Variants in CEP128 observed in about 807,000 individuals in gnomAD.
The protein encoded by CEP128 is centrosomal protein 128.
A neutral mutation model predicts 156.7 loss-of-function variants in CEP128; 132 were observed. The ratio of observed to expected loss-of-function variants is 0.84; its 90% CI spans 0.73 to 0.97. The LOEUF is 0.97. Ranked by LOEUF, CEP128 falls within the 50% of genes least tolerant of loss-of-function variation. The pLI, the probability that CEP128 is intolerant of heterozygous loss-of-function variation, is 0.00. For synonymous variants in CEP128, 469 were observed against 448.9 expected, an observed-to-expected ratio of 1.04 and a Z score of -0.57; for missense variants, 1,252 against 1,281.9, an observed-to-expected ratio of 0.98 and a Z score of 0.36.
chr14:80,916,367 A>G (rs1884554688), intron 3 of CEP128, 34 bp downstream of exon 3: 3 of 1,566,716 alleles, frequency 1.9e-6, no homozygotes, highest in East Asian at 4.5e-5. Context: ...CAAACTATTT[A>G]AATTCTATTA....
chr14:80,584,159 TTTTTG>T lies in CEP128; in HGVS notation c.2807-3741_2807-3737del, dbSNP rs1469231669. The stretch of plus-strand genomic sequence containing the variant: ...CCGTGACATTTTTTTTTTTTTTTTT[TTTTTG>T]TTTGACAGCGTCTCATCCGATGCCC... On this transcript the variant is annotated intron_variant, in intron 19 of 24. Transcript: ENST00000555265. Among the ~76,000 whole-genome samples, 271 of 115,214 alleles carry T rather than the reference TTTTTG, an allele frequency of 2.4e-3. 2 individuals carry two copies. Among genetic ancestry groups the T allele is most frequent in the African/African-American group, 6.8e-3 (176 of 25,826 alleles). The allele number at this position is 115,214 out of a possible 152,430, so 75.6% of individuals were successfully genotyped here. A position where few individuals can be genotyped will look rare whatever the true frequency, so the allele number is the denominator to read the frequency against.
At chr14:80,603,003 T>C (rs1049460537) in intron 19 of CEP128, among the ~76,000 whole-genome samples, 10 of 152,194 alleles carry the variant, frequency 6.6e-5, no homozygotes, top group African/African-American at 2.4e-4. Flanking sequence ...CATACTAAAA[T>C]GTATGGGATA....
intron 19 of CEP128, among the ~76,000 whole-genome samples, chr14:80,690,762 C>T (rs985294313): frequency 2.6e-5 from 4 of 152,144 alleles, no homozygotes; most frequent in African/African-American, 9.7e-5. Context: ...TGAATGACAT[C>T]TCTTCAGCAA....
Position 80,880,457 on chromosome 14 carries a change from T to A in CEP128, c.645+15261A>T, listed in dbSNP as rs375505905. Among the ~76,000 whole-genome samples, 74 of 151,946 alleles carry A rather than the reference T, an allele frequency of 4.9e-4. 1 individual carries two copies. In the South Asian group the frequency reaches 0.015, roughly 31 times the overall value. On this transcript the variant is annotated intron_variant, in intron 8 of 24. Coordinates refer to ENST00000555265, the MANE Select transcript of CEP128 (RefSeq NM_152446.5). ...CCCCTCCTTCTATTCAACATACTAC[T>A]AAAAGTAACAGCAAGAACAATCAGA...
chr14:80,916,685 T>A, intron 2 of CEP128, 123 bp from the exon 3 acceptor site: 1 of 702,252 alleles, frequency 1.4e-6, no homozygotes, highest in Non-Finnish European at 2.3e-6. Flanking sequence ...TTGCACACTG[T>A]AATTTCTACA....
chr14:80,479,307 A>G (rs947410969), intron 14 of CEP128, among the ~76,000 whole-genome samples: 4 of 152,180 alleles, frequency 2.6e-5, no homozygotes, highest in Admixed American at 2.0e-4. Context: ...AAAACATTGA[A>G]AAACAAGGGT....
chr14:80,792,104 A>C (rs1901738140), intron 14 of CEP128, among the ~76,000 whole-genome samples: 1 of 152,244 alleles, frequency 6.6e-6, no homozygotes, highest in Non-Finnish European at 1.5e-5. Flanking sequence ...TCAACATAGG[A>C]GCATAAAATC....
At chr14:80,742,202 C>T (rs1329757547) in intron 19 of CEP128, among the ~76,000 whole-genome samples, 1 of 152,140 alleles carries the variant, frequency 6.6e-6, no homozygotes, top group East Asian at 1.9e-4. Context: ...AAAGTTTGGG[C>T]CTTCACAATA....
At chr14:80,487,766 C>T (rs1887201536), downstream of CEP128, among the ~76,000 whole-genome samples, 2 of 152,134 alleles carry the variant, frequency 1.3e-5, no homozygotes, top group South Asian at 4.1e-4. Context: ...CAACCTGCTC[C>T]TGAATGACTA....
Position 80,895,724 on chromosome 14 carries a change from T to C in CEP128, c.639A>G (p.Gln213=), listed in dbSNP as rs1209811114. The C allele has an allele frequency of 1.9e-6, 3 of 1,573,318 alleles. No individual in the cohort carries two copies. The highest frequency in any genetic ancestry group is 1.4e-5 in the African/African-American group (1 of 73,778). The change falls in exon 8 of 25, where the codon CAA becomes CAG. Residue 213 remains glutamine (Q), a synonymous_variant. Coordinates refer to ENST00000555265, the MANE Select transcript of CEP128 (RefSeq NM_152446.5). ...LTEKLNEAQK[Q]EVVSDRVERR... is the part of the protein sequence containing the mutation. The stretch of plus-strand genomic sequence containing the variant: ...ATTAAAAAAGAGATCTCACCACTTC[T>C]TGTTTCTGGGCTTCATTAAGTTTTT...
At chr14:80,586,415 T>A (rs940296216) in intron 19 of CEP128, among the ~76,000 whole-genome samples, 4 of 152,182 alleles carry the variant, frequency 2.6e-5, no homozygotes, top group Non-Finnish European at 2.9e-5. Context: ...CAATGTCACA[T>A]AGCTAGTTAA....
intron 19 of CEP128, among the ~76,000 whole-genome samples, chr14:80,733,025 T>C (rs1595306361): frequency 6.6e-6 from 1 of 152,088 alleles, no homozygotes. Context: ...CTAAATGAGA[T>C]TAACATTTGA....
intron 19 of CEP128, among the ~76,000 whole-genome samples, chr14:80,676,707 C>T (rs564351582): frequency 2.0e-5 from 3 of 152,144 alleles, no homozygotes; most frequent in South Asian, 4.2e-4. Flanking sequence ...TTTAAAAATT[C>T]CCTTAATTTA....
intron 19 of CEP128, among the ~76,000 whole-genome samples, chr14:80,600,827 TAC>T (rs1892549805): frequency 1.3e-5 from 2 of 152,234 alleles, no homozygotes; most frequent in Admixed American, 1.3e-4. Flanking sequence ...TTGATACATA[TAC>T]AGTATATGAT....
rs552661665 is a variant in CEP128 at position 80,690,244 on chromosome 14, TA to T, written c.2806+52830del. ...CAACACGGAGAAACCCTGTCTCTATTAAAAAAAAAAAAAAAAAAAAAATTAG... is the reference window on the plus strand; with the variant it reads ...CAACACGGAGAAACCCTGTCTCTATTAAAAAAAAAAAAAAAAAAAAATTAG... On this transcript the variant is annotated intron_variant, in intron 19 of 24. Transcript: ENST00000555265. 8.3e-3 allele frequency among the ~76,000 whole-genome samples: 967 copies of T among 116,422 alleles called. 3 individuals are homozygous for T. Among genetic ancestry groups the T allele is most frequent in the Middle Eastern group, 0.026 (6 of 234 alleles). 76.4% of individuals were successfully genotyped at this position (116,422 alleles called of 152,430 possible).
chr14:80,519,249 C>A (rs1390635082), intron 23 of CEP128, among the ~76,000 whole-genome samples: 3 of 152,164 alleles, frequency 2.0e-5, no homozygotes, highest in African/African-American at 7.2e-5. Flanking sequence ...TAATATTTTT[C>A]CTGGGCTTCT....
chr14:80,933,272 T>C (rs1243035289), intron 2 of CEP128, among the ~76,000 whole-genome samples: 1 of 152,192 alleles, frequency 6.6e-6, no homozygotes, highest in Non-Finnish European at 1.5e-5. Context: ...GGATCAGCTA[T>C]GGCCCCAGTA....
At chr14:80,521,722 A>G (rs1888754409) in intron 23 of CEP128, among the ~76,000 whole-genome samples, 1 of 152,242 alleles carries the variant, frequency 6.6e-6, no homozygotes. Context: ...CTGAAACTAG[A>G]AAATGATTTT....
At chr14:80,918,183 A>G (rs924497065) in intron 2 of CEP128, among the ~76,000 whole-genome samples, 1 of 152,232 alleles carries the variant, frequency 6.6e-6, no homozygotes, top group African/African-American at 2.4e-5. Context: ...CTGGCTCACA[A>G]TTGCTTAAGT....
Sources: allele counts gnomAD v4.1 joint callset (sites outside exome capture counted in the v4.1 genomes callset), GRCh38; gene constraint gnomAD v4.1.1; transcripts MANE v1.5; gene names NCBI Gene and HGNC (gene_info 2026-07-23, HGNC 2026-07-21).